Variants in EAF2 observed in about 807,000 individuals in gnomAD.
EAF2 encodes ELL-associated factor 2.
EAF2 carries 29 observed loss-of-function variants against 29.4 expected under a neutral mutation model. The ratio of observed to expected loss-of-function variants is 0.99; its 90% CI spans 0.73 to 1.35. The LOEUF is 1.35. Among genes scored for constraint, EAF2 ranks in the 40% most tolerant of loss-of-function variants. The pLI is 0.00. For missense variants in EAF2, 292 were observed against 312.0 expected (o/e 0.94, Z 0.48); for synonymous variants, 103 against 102.5 (o/e 1.00, Z -0.03).
chr3:121,860,279 A>G (rs1260743920), intron 4 of EAF2, among the ~76,000 whole-genome samples: 1 of 152,182 alleles, frequency 6.6e-6, no homozygotes, highest in African/African-American at 2.4e-5. Flanking sequence ...GGTAGAATTC[A>G]GCTGTGAATC....
chr3:121,873,283 C>T (rs1482113734), intron 5 of EAF2: 2 of 461,162 alleles, frequency 4.3e-6, no homozygotes, highest in Non-Finnish European at 7.6e-6. Flanking sequence ...ATCTTTGGCT[C>T]ACTGTGTTAC....
Position 121,857,075 on chromosome 3 carries a change from G to T in EAF2, c.403G>T (p.Ala135Ser), listed in dbSNP as rs377482100. The change falls in exon 4 of 6, where the codon GCC (alanine) becomes TCC (serine). Residue 135 changes from alanine (A) to serine (S), a missense_variant. Physicochemically the swap from Ala to Ser is moderately conservative, Grantham distance 99. Coordinates refer to ENST00000273668, the MANE Select transcript of EAF2 (RefSeq NM_018456.6). Reference sequence around the variant, plus strand: ...ACAGCAACAACAAATGTGGAATTCAGCCAGGACTCCCAATCTTGTAAAACA... The same window carrying T: ...ACAGCAACAACAAATGTGGAATTCATCCAGGACTCCCAATCTTGTAAAACA... ...EQQQQQMWNS[A>S]RTPNLVKHSP... The T allele has an allele frequency of 1.5e-5, 25 of 1,613,620 alleles. No individual in the cohort carries two copies. The highest frequency in any genetic ancestry group is 2.1e-5 in the Non-Finnish European group (25 of 1,179,738).
At position 121,835,338 on chromosome 3, in the gene EAF2, A is replaced by G; in HGVS notation, c.53A>G (p.Lys18Arg). Residue 18 changes from lysine (K) to arginine (R), a missense_variant, in exon 1 of 6, where the codon AAG (lysine) becomes AGG (arginine). Coordinates refer to ENST00000273668, the MANE Select transcript of EAF2 (RefSeq NM_018456.6). ...SHLDRRERVL[K>R]LGESFEKQPR... Reference sequence around the variant, plus strand: ...CTAGACCGTCGCGAGCGGGTTCTCAAGTTAGGGGAGAGTTTCGAGAAGCAG... The same window carrying G: ...CTAGACCGTCGCGAGCGGGTTCTCAGGTTAGGGGAGAGTTTCGAGAAGCAG... 4.3e-6 allele frequency: 7 copies of G among 1,614,162 alleles called. No homozygotes were observed. Among genetic ancestry groups the G allele is most frequent in the Non-Finnish European group, 5.9e-6 (7 of 1,180,002 alleles).
chr3:121,862,030 C>A (rs138314314), intron 4 of EAF2, among the ~76,000 whole-genome samples: 1 of 152,122 alleles, frequency 6.6e-6, no homozygotes, highest in Non-Finnish European at 1.5e-5. Context: ...GAGTTTCTGC[C>A]GAGAGATCTG....
At chr3:121,847,753 G>T (rs561025010) in intron 2 of EAF2, among the ~76,000 whole-genome samples, 2 of 152,222 alleles carry the variant, frequency 1.3e-5, no homozygotes, top group African/African-American at 4.8e-5. Context: ...TGTATTAAAG[G>T]ATAAGTCTTA....
intron 4 of EAF2, among the ~76,000 whole-genome samples, chr3:121,862,868 G>A (rs1708858249): frequency 6.6e-6 from 1 of 152,142 alleles, no homozygotes; most frequent in Non-Finnish European, 1.5e-5. Context: ...CGTACAGATG[G>A]GGTTTTGGTG....
chr3:121,861,803 T>C (rs1464395508), intron 4 of EAF2, among the ~76,000 whole-genome samples: 2 of 152,212 alleles, frequency 1.3e-5, no homozygotes, highest in Non-Finnish European at 2.9e-5. Flanking sequence ...TTGTAGTGGC[T>C]GGTACCGGCT....
chr3:121,864,480 C>G (rs1708889826), intron 4 of EAF2, among the ~76,000 whole-genome samples: 1 of 151,842 alleles, frequency 6.6e-6, no homozygotes, highest in African/African-American at 2.4e-5. Context: ...TACAGAAAAT[C>G]AAGATATTGA....
At position 121,860,367 on chromosome 3, in the gene EAF2, G is replaced by C. The variant is rs191978130; in HGVS notation, c.484+3211G>C. On this transcript the variant is annotated intron_variant, in intron 4 of 5. Transcript: ENST00000273668. ...TTCAGAGCCTGTATTGGTCTATTCA[G>C]GGATTCAATTTCTTCCTTGTTTATT... 6.6e-5 allele frequency among the ~76,000 whole-genome samples: 10 copies of C among 152,214 alleles called. No individual in the cohort carries two copies. In the East Asian group the frequency reaches 1.9e-3, roughly 29 times the overall value.
In EAF2 at chr3:121,853,047, C is replaced by A. The variant is rs528837713; in HGVS notation, c.202-1640C>A. On this transcript the variant is annotated intron_variant, in intron 2 of 5. Coordinates refer to ENST00000273668, the MANE Select transcript of EAF2 (RefSeq NM_018456.6). ...TATAATGAATTACATGTACCCATCACTGAGCTTTAACAATTATCAACATTT... is the reference window on the plus strand; with the variant it reads ...TATAATGAATTACATGTACCCATCAATGAGCTTTAACAATTATCAACATTT... Among the ~76,000 whole-genome samples, 70 of 152,248 alleles carry A rather than the reference C, an allele frequency of 4.6e-4. 1 individual carries two copies. The South Asian group carries it at 0.014, about 30-fold the overall frequency.
At chr3:121,840,718 A>C (rs908047288) in intron 1 of EAF2, among the ~76,000 whole-genome samples, 37 of 146,536 alleles carry the variant, frequency 2.5e-4, no homozygotes, top group African/African-American at 8.6e-4. Flanking sequence ...GAGGCAGGAC[A>C]ATGGCATGGA....
Position 121,835,210 on chromosome 3 carries a change from A to G in EAF2, c.-76A>G. 1 of 1,416,808 alleles carries G rather than the reference A, an allele frequency of 7.1e-7. No homozygotes were observed. The highest frequency in any genetic ancestry group is 1.2e-5 in the South Asian group (1 of 86,546). 87.8% of individuals were successfully genotyped at this position (1,416,808 alleles called of 1,614,324 possible). ...CTGGGTGACTTGGCTGGCGGGATCA[A>G]GTGCAGCTGCTTCAGGCTGAGGTGG... On this transcript the variant is annotated 5_prime_UTR_variant, in exon 1 of 6. Transcript: ENST00000273668.
intron 1 of EAF2, among the ~76,000 whole-genome samples, chr3:121,843,855 C>A (rs1243599812): frequency 6.6e-6 from 1 of 151,996 alleles, no homozygotes. Context: ...ATGAAAAAAA[C>A]TGTTAAACTA....
At chr3:121,860,676 TCTC>T (rs916999451) in intron 4 of EAF2, among the ~76,000 whole-genome samples, 7 of 152,190 alleles carry the variant, frequency 4.6e-5, no homozygotes, top group Non-Finnish European at 1.5e-5. Context: ...CTCCTTCAGT[TCTC>T]CTCTGATCTT....
chr3:121,838,534 C>T lies in EAF2; in HGVS notation c.106+3143C>T, dbSNP rs1023090916. 3.3e-5 allele frequency among the ~76,000 whole-genome samples: 5 copies of T among 152,138 alleles called. No homozygotes were observed. In the South Asian group the frequency reaches 1.0e-3, roughly 32 times the overall value. ...GTAATAAAGAGTAGAGTTTATTAAT[C>T]CTAACAGTAGAATAATTAGAAATGT... is the stretch of plus-strand genomic sequence containing the variant. On this transcript the variant is annotated intron_variant, in intron 1 of 5. Coordinates refer to ENST00000273668, the MANE Select transcript of EAF2 (RefSeq NM_018456.6).
intron 1 of EAF2, among the ~76,000 whole-genome samples, chr3:121,840,501 A>G (rs1299774614): frequency 2.6e-5 from 2 of 75,534 alleles, no homozygotes; most frequent in South Asian, 3.2e-4. Context: ...AAAAAAAAAA[A>G]AAAAAAAGAA....
At chr3:121,844,845 A>T (rs1708494992) in intron 2 of EAF2, among the ~76,000 whole-genome samples, 1 of 152,228 alleles carries the variant, frequency 6.6e-6, no homozygotes, top group African/African-American at 2.4e-5. Context: ...ATAGTAACAT[A>T]TCCCTTGCCT....
intron 5 of EAF2, among the ~76,000 whole-genome samples, chr3:121,882,147 A>G (rs4676762): frequency 0.9 from 136,852 of 152,044 alleles, 61,637 homozygotes; most frequent in Admixed American, 0.93. Flanking sequence ...CCAGGAGTTC[A>G]AGACCAGCCT....
intron 4 of EAF2, among the ~76,000 whole-genome samples, chr3:121,872,273 C>T (rs1384583613): frequency 1.3e-5 from 2 of 151,750 alleles, no homozygotes; most frequent in Non-Finnish European, 3.0e-5. Context: ...ATTTGAGTTA[C>T]CTGTATACTT....
Sources: allele counts gnomAD v4.1 joint callset (sites outside exome capture counted in the v4.1 genomes callset), GRCh38; gene constraint gnomAD v4.1.1; transcripts MANE v1.5; gene names NCBI Gene and HGNC (gene_info 2026-07-23, HGNC 2026-07-21).